Variants in SWAP70 observed in about 807,000 individuals in gnomAD.
The protein encoded by SWAP70 is switching B cell complex subunit SWAP70, also known as switch-associated protein 70.
Under a neutral mutation model 80.2 loss-of-function variants are expected in SWAP70, and 34 were observed. That is an observed-to-expected ratio of 0.42 (90% CI 0.32 to 0.56). The LOEUF (loss-of-function observed/expected upper bound fraction) is 0.56. Among genes scored for constraint, SWAP70 ranks in the 20% least tolerant of loss-of-function variants. The pLI, the probability that SWAP70 is intolerant of heterozygous loss-of-function variation, is 0.09. For synonymous variants in SWAP70, 239 were observed against 238.5 expected (o/e 1.00, Z -0.02); for missense variants, 578 against 690.7 (o/e 0.84, Z 1.83).
intron 2 of SWAP70, among the ~76,000 whole-genome samples, chr11:9,702,182 A>G (rs375917790): frequency 2.0e-5 from 3 of 152,286 alleles, no homozygotes; most frequent in South Asian, 2.1e-4. Context: ...TATGTCACTT[A>G]TAATTCTTTT....
chr11:9,684,920 A>G (rs1850612292), intron 1 of SWAP70, among the ~76,000 whole-genome samples: 1 of 152,244 alleles, frequency 6.6e-6, no homozygotes, highest in South Asian at 2.1e-4. Flanking sequence ...TACGTATTGC[A>G]CAGATGGCTA....
At position 9,729,435 on chromosome 11, in the gene SWAP70, A is replaced by G. The variant is rs146249251; in HGVS notation, c.882A>G (p.Lys294=). The G allele has an allele frequency of 6.2e-7, 1 of 1,608,712 alleles. No homozygotes were observed. The highest frequency in any genetic ancestry group is 8.5e-7 in the Non-Finnish European group (1 of 1,175,620). ...FEISASDKKK[K]QEWIQAIHST... ...TCAGTGCTTCAGATAAGAAGAAGAA[A>G]CAGGAGTGGATTCAAGGTAAGGTGA... is the stretch of plus-strand genomic sequence containing the variant. The change falls in exon 6 of 12, where the codon AAA becomes AAG. Residue 294 remains lysine, a synonymous_variant. Coordinates refer to ENST00000318950, the MANE Select transcript of SWAP70 (RefSeq NM_015055.4).
At chr11:9,707,274 T>G (rs1850927403) in intron 2 of SWAP70, among the ~76,000 whole-genome samples, 1 of 152,198 alleles carries the variant, frequency 6.6e-6, no homozygotes, top group African/African-American at 2.4e-5. Flanking sequence ...CTGTTTATCT[T>G]GCATAACTGA....
chr11:9,748,969 G>C, intron 10 of SWAP70, 118 bp from the exon 11 acceptor site: 2 of 475,436 alleles, frequency 4.2e-6, no homozygotes, highest in South Asian at 3.5e-5. Context: ...TTCTTAGAAT[G>C]GGCTATGAGA....
intron 1 of SWAP70, among the ~76,000 whole-genome samples, chr11:9,682,190 G>T (rs1029811243): frequency 6.6e-6 from 1 of 152,152 alleles, no homozygotes; most frequent in Non-Finnish European, 1.5e-5. Flanking sequence ...GAGGGGAGGA[G>T]CCCTTGTTTC....
chr11:9,744,366 A>G (rs568833536), intron 9 of SWAP70, among the ~76,000 whole-genome samples: 1 of 152,282 alleles, frequency 6.6e-6, no homozygotes, highest in East Asian at 1.9e-4. Context: ...AGATATTTTG[A>G]TACAGGCATA....
intron 6 of SWAP70, among the ~76,000 whole-genome samples, chr11:9,729,873 A>G (rs1332107870): frequency 6.6e-6 from 1 of 152,240 alleles, no homozygotes; most frequent in African/African-American, 2.4e-5. Context: ...TCTGCATGTG[A>G]TACAGTAGCT....
At chr11:9,745,351 C>T (rs1172046951) in intron 9 of SWAP70, among the ~76,000 whole-genome samples, 1 of 152,120 alleles carries the variant, frequency 6.6e-6, no homozygotes, top group Non-Finnish European at 1.5e-5. Flanking sequence ...TCCTTTATCT[C>T]ATTTGCAGAC....
intron 11 of SWAP70, among the ~76,000 whole-genome samples, chr11:9,749,461 T>C (rs1193082030): frequency 1.3e-5 from 2 of 152,194 alleles, no homozygotes; most frequent in East Asian, 3.8e-4. Flanking sequence ...TTAACCAGGA[T>C]GGTCTTGATC....
chr11:9,752,890 A>G lies in SWAP70; in HGVS notation c.*2920A>G, dbSNP rs913078695. 4.6e-5 allele frequency: 7 copies of G among 152,226 alleles called. No individual in the cohort carries two copies. The highest frequency in any genetic ancestry group is 1.7e-4 in the African/African-American group (7 of 41,464). 9.4% of individuals were successfully genotyped at this position (152,226 alleles called of 1,614,324 possible). ...CTAATTTTTCTAAGATACATTAAAA[A>G]TGTTTTATATTTTTTTTTAAGTAAA... is the stretch of plus-strand genomic sequence containing the variant. On this transcript the variant is annotated 3_prime_UTR_variant, in exon 12 of 12. Transcript: ENST00000318950.
At chr11:9,708,077 A>G (rs1019354439) in intron 2 of SWAP70, among the ~76,000 whole-genome samples, 4 of 152,158 alleles carry the variant, frequency 2.6e-5, no homozygotes, top group African/African-American at 7.2e-5. Context: ...CATCTTGGCT[A>G]TTGTGAATTA....
intron 10 of SWAP70, 111 bp downstream of exon 10, chr11:9,748,167 T>G: frequency 8.5e-7 from 1 of 1,174,824 alleles, no homozygotes; most frequent in African/African-American, 1.5e-5. Context: ...AGAATCTTGC[T>G]TAGCTGTAAG....
chr11:9,667,624 G>A (rs865782893), intron 1 of SWAP70, among the ~76,000 whole-genome samples: 4 of 152,008 alleles, frequency 2.6e-5, no homozygotes, highest in Middle Eastern at 3.4e-3. Flanking sequence ...ATGCGGTGGC[G>A]CGATCATGGC....
chr11:9,747,047 C>G lies in SWAP70; in HGVS notation c.1356-811C>G, dbSNP rs115862493. 7.3e-3 allele frequency among the ~76,000 whole-genome samples: 1,118 copies of G among 152,280 alleles called. 13 individuals carry two copies. The highest frequency in any genetic ancestry group is 0.026 in the African/African-American group (1,064 of 41,544). On this transcript the variant is annotated intron_variant, in intron 9 of 11. Transcript: ENST00000318950. ...CACTAGATATGTATCCTGTCCTTGG[C>G]TGGCATCGAACGACACTATATACAC...
At chr11:9,677,135 A>G (rs1850512229) in intron 1 of SWAP70, among the ~76,000 whole-genome samples, 1 of 152,020 alleles carries the variant, frequency 6.6e-6, no homozygotes, top group African/African-American at 2.4e-5. Flanking sequence ...CCTGAAACAG[A>G]CATTGTTACT....
intron 2 of SWAP70, among the ~76,000 whole-genome samples, chr11:9,708,886 T>G (rs1463879019): frequency 1.3e-5 from 2 of 152,130 alleles, no homozygotes; most frequent in Non-Finnish European, 2.9e-5. Flanking sequence ...CTACAAGCAG[T>G]TTGGTATGGT....
At chr11:9,699,307 TG>T (rs1850801368) in intron 2 of SWAP70, among the ~76,000 whole-genome samples, 1 of 152,152 alleles carries the variant, frequency 6.6e-6, no homozygotes, top group African/African-American at 2.4e-5. Context: ...TTTTATGGTA[TG>T]TGAATTATAT....
At chr11:9,677,029 G>C (rs1351662488) in intron 1 of SWAP70, among the ~76,000 whole-genome samples, 1 of 151,768 alleles carries the variant, frequency 6.6e-6, no homozygotes, top group East Asian at 1.9e-4. Context: ...GGGATACGGA[G>C]GGCCAACTGT....
chr11:9,740,038 T>G (rs778643428), intron 8 of SWAP70, 143 bp from the exon 9 acceptor site: 13 of 681,292 alleles, frequency 1.9e-5, no homozygotes, highest in Non-Finnish European at 3.0e-5. Context: ...CTCCTCCATC[T>G]TTAAGTTCAA....
Sources: gnomAD v4.1 joint callset for allele counts (sites outside exome capture counted in the v4.1 genomes callset) on GRCh38, gnomAD v4.1.1 for gene constraint, MANE v1.5 for transcripts, NCBI Gene and HGNC (gene_info 2026-07-23, HGNC 2026-07-21) for gene names.